The following LRRC4C variants were observed in gnomAD, a reference collection of about 807,000 sequenced individuals.
The protein encoded by LRRC4C is leucine-rich repeat-containing protein 4C.
In LRRC4C, 5 loss-of-function variants were observed where a neutral mutation model predicts 33.6. That is an observed-to-expected ratio of 0.15 (90% CI 0.08 to 0.31). The LOEUF is 0.31. Ranked by LOEUF, LRRC4C falls within the 10% of genes least tolerant of loss-of-function variation. The pLI, the probability that LRRC4C is intolerant of heterozygous loss-of-function variation, is 1.00. For synonymous variants in LRRC4C, 329 were observed against 302.0 expected (o/e 1.09, Z -0.93); for missense variants, 560 against 796.7 (o/e 0.70, Z 3.58).
At chr11:40,213,969 C>T (rs1241176494) in intron 5 of LRRC4C, among the ~76,000 whole-genome samples, 1 of 152,052 alleles carries the variant, frequency 6.6e-6, no homozygotes, top group Non-Finnish European at 1.5e-5. Flanking sequence ...CTTGCTCAAC[C>T]TCACACAGCT....
chr11:41,298,515 T>C (rs960494111), intron 1 of LRRC4C, among the ~76,000 whole-genome samples: 1 of 152,088 alleles, frequency 6.6e-6, no homozygotes, highest in Non-Finnish European at 1.5e-5. Context: ...CAACAGGCAG[T>C]ATCCAAGTGA....
chr11:41,401,184 C>T (rs542384864), intron 1 of LRRC4C, among the ~76,000 whole-genome samples: 1 of 151,846 alleles, frequency 6.6e-6, no homozygotes, highest in African/African-American at 2.4e-5. Context: ...GTACTATTTA[C>T]TAAAGTAACT....
chr11:41,134,159 C>A (rs1204151668), intron 1 of LRRC4C, among the ~76,000 whole-genome samples: 1 of 152,102 alleles, frequency 6.6e-6, no homozygotes, highest in East Asian at 1.9e-4. Context: ...GGCTGTGGTA[C>A]AATCACAGCT....
At chr11:41,057,202 G>T (rs116890142) in intron 1 of LRRC4C, among the ~76,000 whole-genome samples, 1 of 152,136 alleles carries the variant, frequency 6.6e-6, no homozygotes, top group South Asian at 2.1e-4. Context: ...ATTTGTGCCC[G>T]CTCTAATCCT....
chr11:40,412,147 G>T (rs981193943), intron 3 of LRRC4C, among the ~76,000 whole-genome samples: 2 of 151,868 alleles, frequency 1.3e-5, no homozygotes, highest in African/African-American at 4.8e-5. Flanking sequence ...CCTCACAAAA[G>T]AAACTTTTAC....
chr11:40,744,808 G>A (rs1948334881), intron 2 of LRRC4C, among the ~76,000 whole-genome samples: 1 of 152,018 alleles, frequency 6.6e-6, no homozygotes. Flanking sequence ...TTAACCATTT[G>A]GCTGTATTGT....
At chr11:40,222,634 T>A (rs761113599) in intron 5 of LRRC4C, among the ~76,000 whole-genome samples, 12 of 152,228 alleles carry the variant, frequency 7.9e-5, no homozygotes, top group Non-Finnish European at 1.6e-4. Flanking sequence ...AATAAAGCAG[T>A]GGATTTCAAA....
intron 1 of LRRC4C, among the ~76,000 whole-genome samples, chr11:41,437,316 T>G (rs1205316705): frequency 6.6e-6 from 1 of 152,168 alleles, no homozygotes. Context: ...TGCTATCATT[T>G]ACCTTTTCCA....
At chr11:41,065,068 C>T (rs534200306) in intron 1 of LRRC4C, among the ~76,000 whole-genome samples, 1 of 122,696 alleles carries the variant, frequency 8.2e-6, no homozygotes, top group East Asian at 2.6e-4. Context: ...CGGTAGACTC[C>T]CCCGGAAAGG....
chr11:40,810,420 C>A (rs1951439208), intron 2 of LRRC4C, among the ~76,000 whole-genome samples: 1 of 152,178 alleles, frequency 6.6e-6, no homozygotes, highest in African/African-American at 2.4e-5. Flanking sequence ...TCTAAACTTT[C>A]TTCCAAGATG....
chr11:41,246,200 C>T lies in LRRC4C; in HGVS notation c.-496+213231G>A, dbSNP rs1050880408. Among the ~76,000 whole-genome samples, 15 of 152,238 alleles carry T rather than the reference C, an allele frequency of 9.9e-5. 1 individual carries two copies. The highest frequency in any genetic ancestry group is 5.2e-4 in the Admixed American group (8 of 15,296). On this transcript the variant is annotated intron_variant, in intron 1 of 6. Coordinates refer to ENST00000528697, the MANE Select transcript of LRRC4C (RefSeq NM_001258419.2). ...GGGTGCCTGCAGTCCCTTGCCAAGC[C>T]GCCCTTATCCCCTCTCCAGCCTCCC...
intron 1 of LRRC4C, among the ~76,000 whole-genome samples, chr11:40,944,375 C>T (rs770903811): frequency 2.0e-5 from 3 of 152,160 alleles, no homozygotes; most frequent in African/African-American, 7.2e-5. Flanking sequence ...TAGGGGTTCA[C>T]ATCCAACACA....
chr11:41,124,338 C>T (rs1177354367), intron 1 of LRRC4C, among the ~76,000 whole-genome samples: 1 of 152,182 alleles, frequency 6.6e-6, no homozygotes, highest in African/African-American at 2.4e-5. Flanking sequence ...TGCCACCAAT[C>T]CAAACTTCTA....
chr11:41,096,460 C>T (rs147353996), intron 1 of LRRC4C, among the ~76,000 whole-genome samples: 3,508 of 152,264 alleles, frequency 0.023, 62 homozygotes, highest in Non-Finnish European at 0.036. Flanking sequence ...AGACTTTAAT[C>T]AGCAGCAATG....
At chr11:40,988,713 C>CCTTTTTTTT (rs1203305681) in intron 1 of LRRC4C, among the ~76,000 whole-genome samples, 1 of 57,752 alleles carries the variant, frequency 1.7e-5, no homozygotes, top group Non-Finnish European at 4.1e-5. Context: ...CTTTTCTTTT[C>CCTTTTTTTT]TTTTTTTTTT....
At chr11:40,341,171 A>C (rs977658580) in intron 3 of LRRC4C, among the ~76,000 whole-genome samples, 1 of 152,220 alleles carries the variant, frequency 6.6e-6, no homozygotes, top group African/African-American at 2.4e-5. Context: ...ACTATAAACA[A>C]CTTTCAAATT....
chr11:40,564,190 T>C (rs78917056), intron 3 of LRRC4C, among the ~76,000 whole-genome samples: 9,362 of 152,244 alleles, frequency 0.061, 355 homozygotes, highest in Admixed American at 0.086. Context: ...TAAAAGACCA[T>C]AGGGAATGGG....
chr11:40,333,437 C>A (rs1051967891), intron 3 of LRRC4C, among the ~76,000 whole-genome samples: 1 of 151,908 alleles, frequency 6.6e-6, no homozygotes, highest in African/African-American at 2.4e-5. Context: ...GTAAATATGG[C>A]CTGGCGTGGT....
chr11:40,746,835 C>T (rs1178237541), intron 2 of LRRC4C, among the ~76,000 whole-genome samples: 1 of 152,190 alleles, frequency 6.6e-6, no homozygotes, highest in Non-Finnish European at 1.5e-5. Context: ...GTATGTCCCA[C>T]CTGTGGGCCT....
Sources: gnomAD v4.1 joint callset for allele counts (sites outside exome capture counted in the v4.1 genomes callset) on GRCh38, gnomAD v4.1.1 for gene constraint, MANE v1.5 for transcripts, NCBI Gene and HGNC (gene_info 2026-07-23, HGNC 2026-07-21) for gene names.